NEIL3: variants seen among roughly 807,000 people sequenced by gnomAD.
The protein encoded by NEIL3 is nei like DNA glycosylase 3, also known as endonuclease 8-like 3.
In NEIL3, 48 loss-of-function variants were observed where a neutral mutation model predicts 57.5. That is an observed-to-expected ratio of 0.83 (90% CI 0.66 to 1.06). The LOEUF is 1.06. Ranked by LOEUF, NEIL3 falls within the 50% of genes least tolerant of loss-of-function variation. NEIL3 has a pLI of 0.00. For missense variants in NEIL3, 717 were observed against 739.1 expected, an observed-to-expected ratio of 0.97 and a Z score of 0.35; for synonymous variants, 261 against 253.2, an observed-to-expected ratio of 1.03 and a Z score of -0.29.
intron 2 of NEIL3, among the ~76,000 whole-genome samples, chr4:177,328,919 A>G (rs1340446034): frequency 1.3e-5 from 2 of 152,220 alleles, no homozygotes; most frequent in African/African-American, 4.8e-5. Flanking sequence ...GTTGCAATAT[A>G]CGTTTTGCAT....
At chr4:177,336,407 G>A in intron 4 of NEIL3, 86 bp downstream of exon 4, 1 of 988,894 alleles carries the variant, frequency 1.0e-6, no homozygotes, top group Non-Finnish European at 1.5e-6. Flanking sequence ...CTGCATTTCA[G>A]TAACACAGTC....
In NEIL3 at chr4:177,362,788, G is replaced by GTT. The variant is rs546533976; in HGVS notation, c.*326_*327dup. On this transcript the variant is annotated 3_prime_UTR_variant, in exon 10 of 10. Coordinates refer to ENST00000264596, the MANE Select transcript of NEIL3 (RefSeq NM_018248.3). ...TCTCTTGTAACTGGGGAGAAGCAGT[G>GTT]TTTTTTTTTTAGGAAAGGATTATGC... is the stretch of plus-strand genomic sequence containing the variant. 9 of 164,292 alleles carry GTT rather than the reference G, an allele frequency of 5.5e-5. No individual in the cohort carries two copies. Among genetic ancestry groups the GTT allele is most frequent in the South Asian group, 4.0e-4 (2 of 5,060 alleles). 10.2% of individuals were successfully genotyped at this position (164,292 alleles called of 1,614,324 possible). A position where few individuals can be genotyped will look rare whatever the true frequency, so the allele number is the denominator to read the frequency against.
intron 8 of NEIL3, among the ~76,000 whole-genome samples, chr4:177,358,888 A>G (rs922867559): frequency 1.3e-5 from 2 of 152,176 alleles, no homozygotes; most frequent in Admixed American, 1.3e-4. Context: ...TGTCCACACA[A>G]TTTTTAATAA....
At chr4:177,360,807 G>A in intron 9 of NEIL3, 130 bp downstream of exon 9, 2 of 654,902 alleles carry the variant, frequency 3.1e-6, no homozygotes, top group Non-Finnish European at 4.8e-6. Flanking sequence ...TTGGCATTCA[G>A]TCTAAAGCTT....
chr4:177,316,688 G>A (rs1439525396), intron 1 of NEIL3, among the ~76,000 whole-genome samples: 1 of 152,050 alleles, frequency 6.6e-6, no homozygotes, highest in Non-Finnish European at 1.5e-5. Context: ...CCACAAATGT[G>A]CACTGAACCT....
chr4:177,314,069 C>T (rs1011318193), intron 1 of NEIL3, among the ~76,000 whole-genome samples: 2 of 152,080 alleles, frequency 1.3e-5, no homozygotes, highest in Admixed American at 6.6e-5. Flanking sequence ...GATTCATTTT[C>T]CAGCAAAATG....
intron 6 of NEIL3, 92 bp from the exon 7 acceptor site, chr4:177,351,288 T>C: frequency 1.5e-6 from 1 of 668,966 alleles, no homozygotes. Flanking sequence ...GAGATAGCAT[T>C]GGGGTATTAA....
At chr4:177,358,255 C>T (rs937552247) in intron 8 of NEIL3, among the ~76,000 whole-genome samples, 1 of 152,132 alleles carries the variant, frequency 6.6e-6, no homozygotes, top group African/African-American at 2.4e-5. Flanking sequence ...CAGTGGACCA[C>T]ACTCTGAGTA....
rs1408715426 is a variant in NEIL3 at position 177,329,140 on chromosome 4, GATAAA to G, written c.279-6544_279-6540del. On this transcript the variant is annotated intron_variant, in intron 2 of 9. Coordinates refer to ENST00000264596, the MANE Select transcript of NEIL3 (RefSeq NM_018248.3). ...GGTAAAAGTAATAAGCTGCTATGGA[GATAAA>G]ATAGAAGTTTTAAAAATGCTCAATC... Among the ~76,000 whole-genome samples the G allele has an allele frequency of 2.6e-5, 4 of 151,956 alleles. No individual in the cohort carries two copies. The East Asian group carries it at 5.8e-4, about 22-fold the overall frequency.
intron 1 of NEIL3, among the ~76,000 whole-genome samples, chr4:177,321,393 A>AGGGGG (rs1734682027): frequency 6.6e-6 from 1 of 152,142 alleles, no homozygotes; most frequent in Non-Finnish European, 1.5e-5. Context: ...CGCATGTCTT[A>AGGGGG]AGTTTTACAT....
intron 5 of NEIL3, 133 bp downstream of exon 5, chr4:177,339,990 C>T (rs1172492813): frequency 1.6e-6 from 1 of 630,756 alleles, no homozygotes; most frequent in African/African-American, 1.8e-5. Context: ...GGGAGAGTGA[C>T]ATTATGTGGG....
chr4:177,321,645 A>G (rs1317584286), intron 1 of NEIL3, among the ~76,000 whole-genome samples: 1 of 152,120 alleles, frequency 6.6e-6, no homozygotes, highest in Non-Finnish European at 1.5e-5. Context: ...TTCTGCCTAT[A>G]TGTTGTCATT....
intron 6 of NEIL3, among the ~76,000 whole-genome samples, chr4:177,347,971 A>G (rs1735258210): frequency 6.6e-6 from 1 of 152,212 alleles, no homozygotes; most frequent in African/African-American, 2.4e-5. Flanking sequence ...GACCACCAAC[A>G]ATATCATTAC....
intron 1 of NEIL3, among the ~76,000 whole-genome samples, chr4:177,319,673 T>G (rs1184822775): frequency 6.6e-6 from 1 of 152,062 alleles, no homozygotes; most frequent in African/African-American, 2.4e-5. Context: ...CAGATGTAAC[T>G]TATAAAACCT....
At chr4:177,370,650 C>T in the NEIL3 span, among the ~76,000 whole-genome samples, 1 of 152,168 alleles carries the variant, frequency 6.6e-6, no homozygotes, top group Non-Finnish European at 1.5e-5. Flanking sequence ...CCTGTAATCC[C>T]AGCATGCTGG....
rs932673239 is a variant in NEIL3 at position 177,362,313 on chromosome 4, T to C, written c.1660T>C (p.Cys554Arg). Residue 554 changes from cysteine (C) to arginine (R), a missense_variant, in exon 10 of 10, where the codon TGC becomes CGC. Transcript: ENST00000264596. ...FEWADLSFPF[C>R]NHGKRSTMKT... The stretch of plus-strand genomic sequence containing the variant: ...GTGGGCAGATTTGTCCTTCCCATTC[T>C]GCAACCATGGCAAGCGTTCCACCAT... 6.2e-7 allele frequency: 1 copy of C among 1,606,500 alleles called. No homozygotes were observed. The highest frequency in any genetic ancestry group is 1.3e-5 in the African/African-American group (1 of 74,532).
At position 177,362,414 on chromosome 4, in the gene NEIL3, C is replaced by T; in HGVS notation, c.1761C>T (p.Cys587=). Residue 587 remains cysteine (C), a synonymous_variant, in exon 10 of 10, where the codon TGC becomes TGT. Coordinates refer to ENST00000264596, the MANE Select transcript of NEIL3 (RefSeq NM_018248.3). The stretch of plus-strand genomic sequence containing the variant: ...GTCCTCTTGGGAAGGAAAAACAATG[C>T]AATTTTTTCCAGTGGGCAGAAAATG... ...FVCPLGKEKQ[C]NFFQWAENGP... 1 of 1,613,000 alleles carries T rather than the reference C, an allele frequency of 6.2e-7. No individual in the cohort carries two copies. The highest frequency in any genetic ancestry group is 8.5e-7 in the Non-Finnish European group (1 of 1,179,534).
chr4:177,348,982 C>T (rs1340779305), intron 6 of NEIL3, among the ~76,000 whole-genome samples: 1 of 148,698 alleles, frequency 6.7e-6, no homozygotes, highest in Non-Finnish European at 1.5e-5. Flanking sequence ...ATTCTCCTGC[C>T]TCAGCCTCCC....
intron 2 of NEIL3, among the ~76,000 whole-genome samples, chr4:177,331,697 C>G (rs891195260): frequency 6.6e-6 from 1 of 151,892 alleles, no homozygotes; most frequent in African/African-American, 2.4e-5. Context: ...AAGCTAAATC[C>G]CAGACACCAT....
Sources: allele counts gnomAD v4.1 joint callset (sites outside exome capture counted in the v4.1 genomes callset), GRCh38; gene constraint gnomAD v4.1.1; transcripts MANE v1.5; gene names NCBI Gene and HGNC (gene_info 2026-07-23, HGNC 2026-07-21).